The following CDC42SE2 variants were observed in gnomAD, a reference collection of about 807,000 sequenced individuals.
CDC42SE2 encodes the protein CDC42 small effector protein 2.
In CDC42SE2, 3 loss-of-function variants were observed where a neutral mutation model predicts 11.5. The ratio of observed to expected loss-of-function variants is 0.26; its 90% CI spans 0.12 to 0.67. The LOEUF is 0.67. Among genes scored for constraint, CDC42SE2 ranks in the 30% least tolerant of loss-of-function variants. CDC42SE2 has a pLI of 0.80. For missense variants in CDC42SE2, 82 were observed against 106.8 expected, an observed-to-expected ratio of 0.77 and a Z score of 1.02; for synonymous variants, 33 against 34.8, an observed-to-expected ratio of 0.95 and a Z score of 0.18.
chr5:131,389,044 C>T (rs1750573620), intron 4 of CDC42SE2, among the ~76,000 whole-genome samples: 1 of 152,082 alleles, frequency 6.6e-6, no homozygotes, highest in Non-Finnish European at 1.5e-5. Flanking sequence ...CTATGTTTTC[C>T]AGGCTGGTCT....
the CDC42SE2 span, among the ~76,000 whole-genome samples, chr5:131,220,886 T>C: frequency 6.7e-4 from 94 of 139,950 alleles, 1 homozygote; most frequent in East Asian, 0.015. Flanking sequence ...CCAGAAACCT[T>C]TTTTTTTTTT....
intron 1 of CDC42SE2, among the ~76,000 whole-genome samples, chr5:131,309,978 C>G (rs1757866851): frequency 6.6e-6 from 1 of 152,058 alleles, no homozygotes; most frequent in Non-Finnish European, 1.5e-5. Flanking sequence ...TTATTTCTTG[C>G]CTTCTTCTAG....
intron 2 of CDC42SE2, among the ~76,000 whole-genome samples, chr5:131,320,252 C>T (rs13175084): frequency 0.43 from 64,568 of 149,736 alleles, 17,070 homozygotes; most frequent in Non-Finnish European, 0.59. Context: ...TTAAGTCAGG[C>T]GTGGTGGTGC....
chr5:131,249,250 T>G (rs1756620858), intron 1 of CDC42SE2, among the ~76,000 whole-genome samples: 1 of 152,118 alleles, frequency 6.6e-6, no homozygotes, highest in Non-Finnish European at 1.5e-5. Flanking sequence ...ACTCCTGACC[T>G]CAGGCAATCT....
intron 2 of CDC42SE2, among the ~76,000 whole-genome samples, chr5:131,351,460 T>A (rs996069231): frequency 1.3e-5 from 2 of 152,124 alleles, no homozygotes; most frequent in Admixed American, 6.5e-5. Context: ...TTCACCATGT[T>A]AGCCAGGATG....
At chr5:131,230,797 C>T in the CDC42SE2 span, among the ~76,000 whole-genome samples, 1 of 152,162 alleles carries the variant, frequency 6.6e-6, no homozygotes, top group South Asian at 2.1e-4. Flanking sequence ...AGGGGTTTAT[C>T]GTTTGTTTAC....
chr5:131,376,787 C>T (rs1010547277), intron 3 of CDC42SE2, among the ~76,000 whole-genome samples: 6 of 152,164 alleles, frequency 3.9e-5, no homozygotes, highest in African/African-American at 1.4e-4. Flanking sequence ...TGATGGCCTC[C>T]AGCTCCATCC....
intron 3 of CDC42SE2, among the ~76,000 whole-genome samples, chr5:131,377,655 G>A (rs924269060): frequency 1.3e-5 from 2 of 152,082 alleles, no homozygotes; most frequent in African/African-American, 4.8e-5. Context: ...AACCTTCCAG[G>A]GATTCTGATG....
At chr5:131,334,072 T>G (rs6896577) in intron 2 of CDC42SE2, among the ~76,000 whole-genome samples, 3 of 151,322 alleles carry the variant, frequency 2.0e-5, no homozygotes, top group African/African-American at 7.3e-5. Context: ...CCAGTTTTTA[T>G]CCATTCAGTA....
chr5:131,337,126 T>G (rs1400970788), intron 2 of CDC42SE2, among the ~76,000 whole-genome samples: 2 of 152,210 alleles, frequency 1.3e-5, no homozygotes, highest in African/African-American at 4.8e-5. Flanking sequence ...TTGATGATGG[T>G]GACGTACAGA....
At chr5:131,241,808 C>T (rs1756542885), upstream of CDC42SE2, among the ~76,000 whole-genome samples, 1 of 152,028 alleles carries the variant, frequency 6.6e-6, no homozygotes, top group Non-Finnish European at 1.5e-5. Context: ...ACCTTGACCA[C>T]CACCTTATTT....
At chr5:131,346,569 C>A (rs183955100) in intron 2 of CDC42SE2, among the ~76,000 whole-genome samples, 8 of 152,110 alleles carry the variant, frequency 5.3e-5, no homozygotes, top group Non-Finnish European at 1.2e-4. Flanking sequence ...CTTTAACACC[C>A]GACTGTCAGC....
At chr5:131,313,719 A>C (rs1757980325) in intron 1 of CDC42SE2, among the ~76,000 whole-genome samples, 1 of 152,164 alleles carries the variant, frequency 6.6e-6, no homozygotes, top group African/African-American at 2.4e-5. Flanking sequence ...GTAGCTTTAT[A>C]ATAAACCTTG....
rs562037825 is a variant in CDC42SE2, at chr5:131,346,940, G to A, written c.-285-12269G>A. Among the ~76,000 whole-genome samples the A allele has an allele frequency of 7.2e-5, 11 of 152,280 alleles. No homozygotes were observed. The East Asian group carries it at 2.1e-3, about 29-fold the overall frequency. On this transcript the variant is annotated intron_variant, in intron 2 of 4. Transcript: ENST00000505065. ...ATGAAATGAAGGCAGAAATAAAGAT[G>A]TTCTTTGAAACCAGCGAGAACAAAG...
upstream of CDC42SE2, chr5:131,261,359 C>G (rs914007759): frequency 1.3e-5 from 2 of 152,126 alleles, no homozygotes; most frequent in African/African-American, 4.8e-5. Flanking sequence ...ATTGTAATTA[C>G]AAACTACAGA....
intron 1 of CDC42SE2, among the ~76,000 whole-genome samples, chr5:131,302,671 T>C (rs1238773651): frequency 6.6e-6 from 1 of 152,212 alleles, no homozygotes; most frequent in Non-Finnish European, 1.5e-5. Flanking sequence ...ATATTCTTTG[T>C]CTGGACATGT....
intron 1 of CDC42SE2, among the ~76,000 whole-genome samples, chr5:131,313,952 C>T (rs756416361): frequency 7.2e-4 from 110 of 152,218 alleles, no homozygotes; most frequent in African/African-American, 2.4e-3. Flanking sequence ...CTCGGCCTTC[C>T]GAGTAGCTGG....
At chr5:131,280,503 A>G (rs1430540523) in intron 1 of CDC42SE2, among the ~76,000 whole-genome samples, 3 of 152,224 alleles carry the variant, frequency 2.0e-5, no homozygotes, top group Non-Finnish European at 2.9e-5. Flanking sequence ...GACGAGGATA[A>G]AGCTGTAGGT....
intron 1 of CDC42SE2, among the ~76,000 whole-genome samples, chr5:131,276,269 A>G (rs1419372155): frequency 1.5e-5 from 2 of 130,208 alleles, no homozygotes; most frequent in African/African-American, 6.1e-5. Flanking sequence ...CAACGAGGCG[A>G]AACCCCATCT....
Sources: allele counts gnomAD v4.1 joint callset (sites outside exome capture counted in the v4.1 genomes callset), GRCh38; gene constraint gnomAD v4.1.1; transcripts MANE v1.5; gene names NCBI Gene and HGNC (gene_info 2026-07-23, HGNC 2026-07-21).